MAST4: variants seen among roughly 807,000 people sequenced by gnomAD.
The protein encoded by MAST4 is microtubule associated serine/threonine kinase family member 4, also known as microtubule-associated serine/threonine-protein kinase 4.
Under a neutral mutation model 162.7 loss-of-function variants are expected in MAST4, and 89 were observed. The ratio of observed to expected loss-of-function variants is 0.55; its 90% CI spans 0.46 to 0.65. MAST4 has a LOEUF of 0.65. MAST4 is among the 30% of genes least tolerant of loss of function. The pLI, the probability that MAST4 is intolerant of heterozygous loss-of-function variation, is 0.00. For synonymous variants in MAST4, 1,479 were observed against 1,361.1 expected (o/e 1.09, Z -1.91); for missense variants, 3,153 against 3,374.0 (o/e 0.93, Z 1.62).
intron 4 of MAST4, among the ~76,000 whole-genome samples, chr5:66,907,335 G>A (rs1394567774): frequency 6.7e-6 from 1 of 149,978 alleles, no homozygotes; most frequent in East Asian, 1.9e-4. Context: ...CTCCCAGGGT[G>A]CAGGTGGGCA....
chr5:66,865,471 A>G (rs750241778), intron 3 of MAST4, among the ~76,000 whole-genome samples: 1 of 152,264 alleles, frequency 6.6e-6, no homozygotes, highest in Non-Finnish European at 1.5e-5. Flanking sequence ...TGCATATTAC[A>G]AAGACATGTT....
intron 5 of MAST4, among the ~76,000 whole-genome samples, chr5:67,088,873 C>T (rs1423646661): frequency 2.0e-5 from 3 of 152,272 alleles, no homozygotes; most frequent in Middle Eastern, 3.4e-3. Flanking sequence ...AATTTGCAAC[C>T]TTCAGTTAAT....
chr5:66,870,398 TTC>T (rs1760842346), intron 3 of MAST4, among the ~76,000 whole-genome samples: 1 of 152,190 alleles, frequency 6.6e-6, no homozygotes, highest in Admixed American at 6.5e-5. Flanking sequence ...CCGCAGTGCT[TTC>T]TGTTATTTCA....
intron 4 of MAST4, among the ~76,000 whole-genome samples, chr5:67,002,664 A>G (rs1426189986): frequency 6.6e-6 from 1 of 152,252 alleles, no homozygotes; most frequent in East Asian, 1.9e-4. Context: ...ACATTGCGTG[A>G]AAGGGCTTAT....
At chr5:67,037,250 A>C (rs1320557116) in intron 4 of MAST4, among the ~76,000 whole-genome samples, 2 of 152,088 alleles carry the variant, frequency 1.3e-5, no homozygotes, top group Non-Finnish European at 2.9e-5. Flanking sequence ...AGAAGAAACG[A>C]GAAAGTTAGT....
At chr5:66,791,313 C>A (rs1224296693) in intron 3 of MAST4, among the ~76,000 whole-genome samples, 1 of 152,234 alleles carries the variant, frequency 6.6e-6, no homozygotes, top group Non-Finnish European at 1.5e-5. Context: ...CATTAGCCAC[C>A]ATGTCCAGCC....
intron 4 of MAST4, among the ~76,000 whole-genome samples, chr5:66,922,846 C>T (rs1234579016): frequency 1.3e-5 from 2 of 152,182 alleles, no homozygotes; most frequent in Non-Finnish European, 2.9e-5. Flanking sequence ...AGGATATTCA[C>T]AGAAAGGAGA....
chr5:66,886,508 A>C (rs1219595305), intron 3 of MAST4, among the ~76,000 whole-genome samples: 2 of 151,784 alleles, frequency 1.3e-5, no homozygotes, highest in Admixed American at 6.6e-5. Context: ...GTTTGTTAAA[A>C]CTATTTTATA....
intron 11 of MAST4, 91 bp from the exon 12 acceptor site, chr5:67,113,996 C>A: frequency 6.9e-7 from 1 of 1,440,674 alleles, no homozygotes; most frequent in South Asian, 1.2e-5. Flanking sequence ...CCATGTATAC[C>A]CAGCAGTTAT....
chr5:67,043,528 TGTCTAAG>T (rs1236216179), intron 4 of MAST4, among the ~76,000 whole-genome samples: 1 of 152,232 alleles, frequency 6.6e-6, no homozygotes, highest in Non-Finnish European at 1.5e-5. Context: ...CTGCCACCAC[TGTCTAAG>T]GTCTTTTCAA....
At chr5:66,736,315 ATT>A (rs150887206) in intron 1 of MAST4, among the ~76,000 whole-genome samples, 84 of 138,936 alleles carry the variant, frequency 6.0e-4, no homozygotes, top group Middle Eastern at 3.8e-3. Context: ...TAGTGAGGGA[ATT>A]TTTTTTTTTT....
chr5:67,163,027 TA>T lies in MAST4; in HGVS notation c.3968-117del. 8.3e-7 allele frequency: 1 copy of T among 1,211,038 alleles called. No homozygotes were observed. The highest frequency in any genetic ancestry group is 1.5e-5 in the South Asian group (1 of 68,564). 75.0% of individuals were successfully genotyped at this position (1,211,038 alleles called of 1,614,324 possible). A position where few individuals can be genotyped will look rare whatever the true frequency, so the allele number is the denominator to read the frequency against. ...TCTGAAAAGTGTTTATTCCACTAGC[TA>T]AATGCTGAGACAATTTGCTGATCTT... On this transcript the variant is annotated intron_variant, in intron 28 of 28. Transcript: ENST00000403625. This position sits in a 1 kb window ranked among gnomAD's most constrained non-coding sequence, Gnocchi z 7.0.
chr5:67,025,953 A>T (rs1355996499), intron 4 of MAST4, among the ~76,000 whole-genome samples: 1 of 152,166 alleles, frequency 6.6e-6, no homozygotes, highest in African/African-American at 2.4e-5. Flanking sequence ...CCCTAATTAA[A>T]TGTGGCCATG....
At chr5:66,848,472 G>A (rs1759057007) in intron 3 of MAST4, among the ~76,000 whole-genome samples, 1 of 151,990 alleles carries the variant, frequency 6.6e-6, no homozygotes, top group Non-Finnish European at 1.5e-5. Flanking sequence ...TGTTTACTAA[G>A]AATTACTAGG....
chr5:67,023,495 G>T (rs1474031568), intron 4 of MAST4, among the ~76,000 whole-genome samples: 1 of 152,088 alleles, frequency 6.6e-6, no homozygotes, highest in Non-Finnish European at 1.5e-5. Flanking sequence ...AGAGCCCATT[G>T]CTTCAAGACC....
intron 1 of MAST4, among the ~76,000 whole-genome samples, chr5:66,650,473 T>C (rs1746145176): frequency 6.6e-6 from 1 of 152,168 alleles, no homozygotes; most frequent in Non-Finnish European, 1.5e-5. Flanking sequence ...TAGCATATCA[T>C]TGTATAATAT....
intron 1 of MAST4, among the ~76,000 whole-genome samples, chr5:66,630,195 CA>C (rs1402359175): frequency 5.9e-5 from 9 of 152,300 alleles, no homozygotes; most frequent in Non-Finnish European, 1.2e-4. Context: ...GATGTGCAAC[CA>C]GGGGTGAAAA....
chr5:66,674,239 A>G (rs1747809063), intron 1 of MAST4, among the ~76,000 whole-genome samples: 1 of 152,186 alleles, frequency 6.6e-6, no homozygotes, highest in Admixed American at 6.5e-5. Flanking sequence ...AAGTGTGATG[A>G]CTAAGTTTTT....
chr5:66,860,709 TC>T, intron 3 of MAST4, among the ~76,000 whole-genome samples: 1 of 145,374 alleles, frequency 6.9e-6, no homozygotes, highest in Non-Finnish European at 1.5e-5. Flanking sequence ...CTTATTCTAT[TC>T]CCCATGCCTC....
Sources: allele counts gnomAD v4.1 joint callset (sites outside exome capture counted in the v4.1 genomes callset), GRCh38; gene constraint gnomAD v4.1.1; non-coding constraint Gnocchi (gnomAD v3.1); transcripts MANE v1.5; gene names NCBI Gene and HGNC (gene_info 2026-07-23, HGNC 2026-07-21).